The following CDK5RAP1 variants were observed in gnomAD, a reference collection of about 807,000 sequenced individuals.
CDK5RAP1 encodes the protein mitochondrial tRNA methylthiotransferase CDK5RAP1.
CDK5RAP1 carries 62 observed loss-of-function variants against 64.5 expected under a neutral mutation model. That is an observed-to-expected ratio of 0.96 (90% CI 0.78 to 1.19). The LOEUF (loss-of-function observed/expected upper bound fraction) is 1.19, where lower values mean the gene tolerates loss of function less well. Among genes scored for constraint, CDK5RAP1 ranks in the 50% most tolerant of loss-of-function variants. The probability of loss-of-function intolerance (pLI) is 0.00; values close to 1 mark genes in which losing one functional copy is unlikely to be tolerated. For synonymous variants in CDK5RAP1, 250 were observed against 261.9 expected, an observed-to-expected ratio of 0.95 and a Z score of 0.44; for missense variants, 657 against 735.0, an observed-to-expected ratio of 0.89 and a Z score of 1.23.
Position 33,398,256 on chromosome 20 carries a change from G to A in CDK5RAP1, c.-20-1172C>T, listed in dbSNP as rs538723048. Among the ~76,000 whole-genome samples, 8 of 152,274 alleles carry A rather than the reference G, an allele frequency of 5.3e-5. No individual in the cohort carries two copies. In the South Asian group the frequency reaches 6.2e-4, roughly 12 times the overall value. ...GCCTGTAATCCCAGCACTTTGGGAC[G>A]CTGAGGCTGGTGGATCACTTCAGGC... is the stretch of plus-strand genomic sequence containing the variant. On this transcript the variant is annotated intron_variant, in intron 1 of 13. Transcript: ENST00000346416.
chr20:33,401,343 C>G (rs1989397934), intron 1 of CDK5RAP1, 85 bp downstream of exon 1: 3 of 940,596 alleles, frequency 3.2e-6, no homozygotes, highest in Non-Finnish European at 3.8e-6. Flanking sequence ...GAACACCGTG[C>G]GCTTCCCGGG....
chr20:33,387,423 C>G lies in CDK5RAP1; in HGVS notation c.655G>C (p.Glu219Gln). ...RDLPRLLAVAESGQQAANVLL... is the reference protein window; with the variant it reads ...RDLPRLLAVAQSGQQAANVLL... ...ACGTTGGCAGCTTGCTGGCCCGACT[C>G]AGCAACAGCCAGCAGCCGGGGAAGG... The change falls in exon 6 of 14, where the codon GAG becomes CAG. Residue 219 changes from glutamate (E) to glutamine (Q), a missense_variant. Transcript: ENST00000346416. 1 of 1,614,126 alleles carries G rather than the reference C, an allele frequency of 6.2e-7. No homozygotes were observed. Among genetic ancestry groups the G allele is most frequent in the Non-Finnish European group, 8.5e-7 (1 of 1,180,000 alleles).
At chr20:33,398,871 A>G (rs1486222712) in intron 1 of CDK5RAP1, among the ~76,000 whole-genome samples, 1 of 152,176 alleles carries the variant, frequency 6.6e-6, no homozygotes, top group Non-Finnish European at 1.5e-5. Context: ...TGCTGCAGTA[A>G]GCCATAATCG....
At chr20:33,398,281 C>A (rs1989081442) in intron 1 of CDK5RAP1, among the ~76,000 whole-genome samples, 1 of 151,874 alleles carries the variant, frequency 6.6e-6, no homozygotes, top group Admixed American at 6.6e-5. Flanking sequence ...TCACTTCAGG[C>A]CAGGAGTTCG....
intron 10 of CDK5RAP1, among the ~76,000 whole-genome samples, chr20:33,371,250 T>A (rs1396017580): frequency 6.6e-6 from 1 of 152,200 alleles, no homozygotes; most frequent in Non-Finnish European, 1.5e-5. Context: ...ACTGTGTTCA[T>A]GCCACTGCAT....
chr20:33,384,884 A>G (rs1987217978), intron 7 of CDK5RAP1, among the ~76,000 whole-genome samples: 1 of 152,194 alleles, frequency 6.6e-6, no homozygotes, highest in South Asian at 2.1e-4. Flanking sequence ...CTTGGGTGAC[A>G]GAGTGAAAGC....
At chr20:33,388,559 T>TCC (rs1394756545) in intron 5 of CDK5RAP1, among the ~76,000 whole-genome samples, 2 of 65,136 alleles carry the variant, frequency 3.1e-5, no homozygotes, top group Non-Finnish European at 5.5e-5. Flanking sequence ...CCTCTCCCTC[T>TCC]CCCTCTCCCT....
chr20:33,396,720 C>T (rs766148110), intron 2 of CDK5RAP1, 41 bp downstream of exon 2: 1 of 1,424,036 alleles, frequency 7.0e-7, no homozygotes, highest in Non-Finnish European at 9.8e-7. Flanking sequence ...CAGAGAGGAG[C>T]AAGGCAGGAA....
intron 5 of CDK5RAP1, among the ~76,000 whole-genome samples, chr20:33,389,274 C>A (rs1164279192): frequency 4.6e-5 from 7 of 151,200 alleles, no homozygotes; most frequent in African/African-American, 1.7e-4. Context: ...TGCCCGGCCG[C>A]GACCCCGTCT....
chr20:33,379,756 T>TA, intron 7 of CDK5RAP1, 65 bp from the exon 8 acceptor site: 2 of 1,186,964 alleles, frequency 1.7e-6, no homozygotes, highest in Non-Finnish European at 2.4e-6. Flanking sequence ...AAACACTAAT[T>TA]AAAAATTAGC....
intron 11 of CDK5RAP1, among the ~76,000 whole-genome samples, chr20:33,367,425 G>A (rs906049269): frequency 1.3e-4 from 20 of 152,264 alleles, no homozygotes; most frequent in East Asian, 3.9e-4. Context: ...AATATTGTGC[G>A]GCTGTTAAAC....
rs747663612 is a variant in CDK5RAP1 at position 33,395,103 on chromosome 20, G to C, written c.318C>G (p.Thr106=). ...LGRQRKVYLE[T]YGCQMNVNDT... ...CATTCACATTCATCTGGCAGCCATA[G>C]GTCTCGAGGTAGACTGCAGTGAGAG... is the stretch of plus-strand genomic sequence containing the variant. The change falls in exon 3 of 14, where the codon ACC becomes ACG. Residue 106 remains threonine, a synonymous_variant. Coordinates refer to ENST00000346416, the MANE Select transcript of CDK5RAP1 (RefSeq NM_016408.4). 2 of 1,610,624 alleles carry C rather than the reference G, an allele frequency of 1.2e-6. No homozygotes were observed. The highest frequency in any genetic ancestry group is 1.7e-6 in the Non-Finnish European group (2 of 1,176,946).
chr20:33,392,021 G>T (rs1048114546), intron 5 of CDK5RAP1, 121 bp downstream of exon 5: 5 of 665,030 alleles, frequency 7.5e-6, no homozygotes, highest in Admixed American at 2.5e-5. Flanking sequence ...TACAAGAATT[G>T]CATGGGATAT....
At chr20:33,383,799 C>G (rs1326791599) in intron 7 of CDK5RAP1, among the ~76,000 whole-genome samples, 1 of 119,678 alleles carries the variant, frequency 8.4e-6, no homozygotes, top group African/African-American at 2.9e-5. Context: ...GTAATCCCAG[C>G]TACTCAGGAG....
chr20:33,396,016 A>C, intron 2 of CDK5RAP1, among the ~76,000 whole-genome samples: 1 of 152,138 alleles, frequency 6.6e-6, no homozygotes, highest in East Asian at 1.9e-4. Flanking sequence ...TCAAAAAAAA[A>C]CAAAAAAGAA....
chr20:33,391,883 T>C (rs752319702), intron 5 of CDK5RAP1, among the ~76,000 whole-genome samples: 10 of 152,094 alleles, frequency 6.6e-5, no homozygotes, highest in Non-Finnish European at 8.8e-5. Context: ...CATAACTCTG[T>C]GCTACCATGA....
intron 7 of CDK5RAP1, among the ~76,000 whole-genome samples, chr20:33,383,764 C>T (rs291704): frequency 0.63 from 85,601 of 136,830 alleles, 26,944 homozygotes; most frequent in South Asian, 0.69. Context: ...AAAAAAAAAT[C>T]AGCCAGGTGT....
At chr20:33,389,566 C>T (rs1417432918) in intron 5 of CDK5RAP1, among the ~76,000 whole-genome samples, 9 of 149,642 alleles carry the variant, frequency 6.0e-5, no homozygotes, top group Admixed American at 2.7e-4. Flanking sequence ...CCCGGCCAGC[C>T]GCCCCGTCCG....
chr20:33,364,331 G>A (rs1328155907), intron 12 of CDK5RAP1, among the ~76,000 whole-genome samples: 1 of 151,532 alleles, frequency 6.6e-6, no homozygotes, highest in Non-Finnish European at 1.5e-5. Context: ...TGGGATTACA[G>A]GTGCCTGCCA....
Sources: gnomAD v4.1 joint callset for allele counts (sites outside exome capture counted in the v4.1 genomes callset) on GRCh38, gnomAD v4.1.1 for gene constraint, MANE v1.5 for transcripts, NCBI Gene and HGNC (gene_info 2026-07-23, HGNC 2026-07-21) for gene names.